Variants in EMC3 observed in about 807,000 individuals in gnomAD.
EMC3 encodes ER membrane protein complex subunit 3.
A neutral mutation model predicts 36.6 loss-of-function variants in EMC3; 13 were observed. The ratio of observed to expected loss-of-function variants is 0.35; its 90% CI spans 0.23 to 0.56. The LOEUF (loss-of-function observed/expected upper bound fraction) is 0.56, where lower values mean the gene tolerates loss of function less well. Ranked by LOEUF, EMC3 falls within the 20% of genes least tolerant of loss-of-function variation. EMC3 has a pLI of 0.84. For missense variants in EMC3, 220 were observed against 324.5 expected (o/e 0.68, Z 2.47); for synonymous variants, 120 against 111.9 (o/e 1.07, Z -0.46).
chr3:9,975,010 A>C (rs2085830524), intron 3 of EMC3, among the ~76,000 whole-genome samples: 1 of 150,940 alleles, frequency 6.6e-6, no homozygotes, highest in South Asian at 2.1e-4. Context: ...ACAGGCACAC[A>C]CTACAATGCC....
intron 7 of EMC3, 96 bp downstream of exon 7, chr3:9,969,623 C>G (rs1462305237): frequency 1.9e-6 from 3 of 1,591,208 alleles, no homozygotes; most frequent in Non-Finnish European, 2.6e-6. Flanking sequence ...AACGATGGAA[C>G]CACACAACAC....
At chr3:10,007,599 T>C (rs1575708173) in intron 1 of EMC3, 1 of 1,366,850 alleles carries the variant, frequency 7.3e-7, no homozygotes, top group South Asian at 1.1e-5. Flanking sequence ...CAGGGGAGGG[T>C]TGATGGCAAG....
Position 9,976,992 on chromosome 3 carries a change from G to C in EMC3, c.272C>G (p.Thr91Ser). 1 of 1,610,776 alleles carries C rather than the reference G, an allele frequency of 6.2e-7. No individual in the cohort carries two copies. The highest frequency in any genetic ancestry group is 8.5e-7 in the Non-Finnish European group (1 of 1,179,016). Residue 91 changes from threonine (T) to serine (S), a missense_variant, in exon 3 of 8, where the codon ACT becomes AGT. Thr to Ser is a moderately conservative substitution (Grantham distance 58). Transcript: ENST00000245046. ...NNPEDGFFKK[T>S]KRKVVPPSPM... The stretch of plus-strand genomic sequence containing the variant: ...AGAAGGTGGCACTACCTTCCGTTTA[G>C]TTTTTTTGAAAAATCCATCCTCTGG...
chr3:10,008,542 C>G (rs1476141603), intron 1 of EMC3: 1 of 1,272,868 alleles, frequency 7.9e-7, no homozygotes, highest in African/African-American at 1.5e-5. Context: ...GGGCGGGTTC[C>G]CAAAAGACAG....
At chr3:9,999,075 T>A (rs1429234980) in intron 1 of EMC3, among the ~76,000 whole-genome samples, 1 of 152,144 alleles carries the variant, frequency 6.6e-6, no homozygotes, top group Non-Finnish European at 1.5e-5. Context: ...CGTTTTTAAA[T>A]TGGGTTTTTG....
chr3:9,977,332 GA>G (rs2085860745), intron 2 of EMC3, 56 bp downstream of exon 2: 2 of 1,505,960 alleles, frequency 1.3e-6, no homozygotes, highest in Non-Finnish European at 1.8e-6. Context: ...AAAACATTCA[GA>G]TATCTACTGC....
intron 1 of EMC3, among the ~76,000 whole-genome samples, chr3:9,984,779 G>C (rs866206219): frequency 6.6e-6 from 1 of 152,166 alleles, no homozygotes; most frequent in Non-Finnish European, 1.5e-5. Flanking sequence ...TAAAGTGATC[G>C]CTGTAGTATA....
chr3:9,980,665 G>A (rs1419779936), intron 1 of EMC3, among the ~76,000 whole-genome samples: 2 of 151,544 alleles, frequency 1.3e-5, no homozygotes, highest in Non-Finnish European at 2.9e-5. Context: ...TGGGATTACA[G>A]GCGTGAGCCA....
chr3:9,972,034 CAGA>C (rs1479764576), intron 5 of EMC3, among the ~76,000 whole-genome samples: 1 of 152,018 alleles, frequency 6.6e-6, no homozygotes, highest in East Asian at 1.9e-4. Context: ...TAGTGGTATT[CAGA>C]AGGAGAAATC....
chr3:9,984,929 C>A (rs2085953785), intron 1 of EMC3, among the ~76,000 whole-genome samples: 1 of 152,164 alleles, frequency 6.6e-6, no homozygotes, highest in Non-Finnish European at 1.5e-5. Flanking sequence ...TAAAATGAGA[C>A]AATATGTACC....
At chr3:9,992,072 A>G (rs1437688237) in intron 1 of EMC3, among the ~76,000 whole-genome samples, 1 of 152,064 alleles carries the variant, frequency 6.6e-6, no homozygotes, top group African/African-American at 2.4e-5. Flanking sequence ...TCCGTGATCC[A>G]GGAGTTGGGG....
intron 1 of EMC3, among the ~76,000 whole-genome samples, chr3:9,980,825 C>A (rs1212984151): frequency 2.0e-5 from 3 of 152,152 alleles, no homozygotes; most frequent in East Asian, 3.8e-4. Flanking sequence ...ACTCTGAGAG[C>A]AGGGTCGTGA....
At chr3:9,975,723 A>C (rs1338387369) in intron 3 of EMC3, among the ~76,000 whole-genome samples, 1 of 151,628 alleles carries the variant, frequency 6.6e-6, no homozygotes, top group African/African-American at 2.4e-5. Context: ...GAGGCAGGAG[A>C]ATCGCGTGAA....
At chr3:9,987,360 G>T, upstream of EMC3, 1 of 958,040 alleles carries the variant, frequency 1.0e-6, no homozygotes, top group Non-Finnish European at 1.2e-6. Flanking sequence ...TCTTCTCTGG[G>T]GCTCCGCGCC....
Position 9,986,757 on chromosome 3 carries a change from G to C in EMC3, c.-96C>G. 6.4e-7 allele frequency: 1 copy of C among 1,551,186 alleles called. No individual in the cohort carries two copies. Among genetic ancestry groups the C allele is most frequent in the African/African-American group, 1.4e-5 (1 of 73,014 alleles). ...CGGCTTCGCCTCCGGGCCTTCTCAA[G>C]CCCCTTTGCCCGTGTACCCCAGAAC... is the stretch of plus-strand genomic sequence containing the variant. On this transcript the variant is annotated 5_prime_UTR_variant, in exon 1 of 8. Transcript: ENST00000245046.
intron 1 of EMC3, among the ~76,000 whole-genome samples, chr3:9,998,238 C>T (rs1336037186): frequency 5.9e-5 from 9 of 151,374 alleles, no homozygotes; most frequent in East Asian, 1.9e-4. Context: ...TGGTGGTGTG[C>T]GCCTGTAGTA....
intron 1 of EMC3, among the ~76,000 whole-genome samples, chr3:9,983,903 G>A (rs1435096335): frequency 6.6e-6 from 1 of 152,046 alleles, no homozygotes; most frequent in Non-Finnish European, 1.5e-5. Flanking sequence ...CCCTACTTTG[G>A]GAAGACTACT....
chr3:10,010,213 A>T (rs1480884225), intron 1 of EMC3: 1 of 152,324 alleles, frequency 6.6e-6, no homozygotes, highest in African/African-American at 2.4e-5. Flanking sequence ...CAGGCGGATC[A>T]CAAGGTCAGG....
At chr3:10,002,277 T>TTTTATTTTATTTTATTTTATTTTATTTTA (rs371226387) in intron 1 of EMC3, among the ~76,000 whole-genome samples, 3,030 of 148,076 alleles carry the variant, frequency 0.02, 160 homozygotes, top group East Asian at 0.068. Context: ...GCAGTTTCTT[T>TTTTATTTTATTTTATTTTATTTTATTTTA]TTTTATTTTA....
Sources: allele counts gnomAD v4.1 joint callset (sites outside exome capture counted in the v4.1 genomes callset), GRCh38; gene constraint gnomAD v4.1.1; transcripts MANE v1.5; gene names NCBI Gene and HGNC (gene_info 2026-07-23, HGNC 2026-07-21).